Variants in MTARC2 observed in about 807,000 individuals in gnomAD.
MTARC2 encodes MOCO sulphurase C-terminal domain containing 2.
MTARC2 carries 27 observed loss-of-function variants against 35.6 expected under a neutral mutation model. The ratio of observed to expected loss-of-function variants is 0.76; its 90% CI spans 0.56 to 1.04. The LOEUF (loss-of-function observed/expected upper bound fraction) is 1.04, where lower values mean the gene tolerates loss of function less well. MTARC2 is among the 50% of genes least tolerant of loss of function. MTARC2 has a pLI of 0.00. For synonymous variants in MTARC2, 158 were observed against 167.1 expected (o/e 0.95, Z 0.42); for missense variants, 412 against 432.5 (o/e 0.95, Z 0.42).
intron 1 of MTARC2, among the ~76,000 whole-genome samples, chr1:220,750,233 A>C (rs1468637637): frequency 6.6e-6 from 1 of 152,220 alleles, no homozygotes; most frequent in Non-Finnish European, 1.5e-5. Context: ...AAGCCTTCCT[A>C]TTACTGGAAA....
In MTARC2 at chr1:220,767,008, G is replaced by A. The variant is rs374848892; in HGVS notation, c.750+3958G>A. ...AAAAAAAAATTAATTAATTAAAAGT[G>A]AAAAAAAATAAACTGTTAAATGAAT... is the stretch of plus-strand genomic sequence containing the variant. On this transcript the variant is annotated intron_variant, in intron 4 of 7. Transcript: ENST00000366913. Among the ~76,000 whole-genome samples, 6 of 150,984 alleles carry A rather than the reference G, an allele frequency of 4.0e-5. No homozygotes were observed. In the South Asian group the frequency reaches 1.3e-3, roughly 32 times the overall value.
chr1:220,751,856 A>G (rs1278915500), intron 1 of MTARC2, among the ~76,000 whole-genome samples: 2 of 152,212 alleles, frequency 1.3e-5, no homozygotes, highest in Non-Finnish European at 2.9e-5. Flanking sequence ...CTCCAGACTT[A>G]TCTCTTCTTT....
At chr1:220,761,074 T>G (rs2102550925) in intron 2 of MTARC2, among the ~76,000 whole-genome samples, 1 of 152,324 alleles carries the variant, frequency 6.6e-6, no homozygotes, top group East Asian at 1.9e-4. Flanking sequence ...TAAAACTCCA[T>G]TAGGGGAATT....
chr1:220,763,688 C>T (rs998092609), intron 4 of MTARC2, among the ~76,000 whole-genome samples: 1 of 152,174 alleles, frequency 6.6e-6, no homozygotes, highest in African/African-American at 2.4e-5. Context: ...GATTAGCCAT[C>T]ATATTAAGCC....
At chr1:220,773,792 CTT>C (rs1371026845) in intron 4 of MTARC2, among the ~76,000 whole-genome samples, 2 of 151,508 alleles carry the variant, frequency 1.3e-5, no homozygotes, top group East Asian at 3.9e-4. Flanking sequence ...GATTATACCT[CTT>C]ATAAAAAATA....
At chr1:220,774,447 A>G (rs76289051) in intron 4 of MTARC2, among the ~76,000 whole-genome samples, 3,628 of 152,332 alleles carry the variant, frequency 0.024, 110 homozygotes, top group African/African-American at 0.064. Context: ...TCTTATTTAC[A>G]TATTCCCTCG....
rs1269348793 is a variant in MTARC2 at position 220,781,846 on chromosome 1, C to T, written c.953C>T (p.Ser318Leu). ...TCTCCACTTTTTGGGATCTATTATT[C>T]AGTGGAAAAAATTGGAAGCCTGAGA... ...KLSPLFGIYY[S>L]VEKIGSLRVG... is the part of the protein sequence containing the mutation. The change falls in exon 7 of 8, where the codon TCA becomes TTA. Residue 318 changes from serine to leucine, a missense_variant. Coordinates refer to ENST00000366913, the MANE Select transcript of MTARC2 (RefSeq NM_017898.5). 47 of 1,613,986 alleles carry T rather than the reference C, an allele frequency of 2.9e-5. No individual in the cohort carries two copies. Among genetic ancestry groups the T allele is most frequent in the Non-Finnish European group, 3.9e-5 (46 of 1,179,990 alleles).
chr1:220,781,343 T>G (rs989960304), intron 6 of MTARC2, among the ~76,000 whole-genome samples: 3 of 152,220 alleles, frequency 2.0e-5, no homozygotes, highest in African/African-American at 7.2e-5. Flanking sequence ...TGAATTTTTG[T>G]TCACCAGTGA....
chr1:220,766,529 T>G (rs555843734), intron 4 of MTARC2, among the ~76,000 whole-genome samples: 2 of 152,224 alleles, frequency 1.3e-5, no homozygotes, highest in Non-Finnish European at 2.9e-5. Context: ...TCCACAGGAA[T>G]CCTGTAATTC....
At chr1:220,774,947 G>A (rs1671854556) in intron 4 of MTARC2, among the ~76,000 whole-genome samples, 1 of 150,064 alleles carries the variant, frequency 6.7e-6, no homozygotes, top group African/African-American at 2.5e-5. Flanking sequence ...ATAGACCCGT[G>A]TGTGTGCGTG....
At chr1:220,769,942 A>G (rs1328123996) in intron 4 of MTARC2, among the ~76,000 whole-genome samples, 1 of 147,508 alleles carries the variant, frequency 6.8e-6, no homozygotes, top group Non-Finnish European at 1.5e-5. Context: ...TACAAAAAAA[A>G]AAAAAAAAAA....
chr1:220,754,536 C>A (rs1383575769), intron 1 of MTARC2: 6 of 424,044 alleles, frequency 1.4e-5, no homozygotes, highest in Non-Finnish European at 2.4e-5. Context: ...TCATCTTGTT[C>A]TACAACAAAA....
In MTARC2 at chr1:220,753,584, C is replaced by T. The variant is rs142292319; in HGVS notation, c.273-1363C>T. 5.0e-3 allele frequency among the ~76,000 whole-genome samples: 758 copies of T among 152,260 alleles called. 6 individuals carry two copies. Among genetic ancestry groups the T allele is most frequent in the African/African-American group, 0.017 (722 of 41,572 alleles). ...GGTCTCCTCAGCCTTTCCCTGATGG[C>T]TCTGGTCATATTTTGGAATGTCTCC... On this transcript the variant is annotated intron_variant, in intron 1 of 7. Coordinates refer to ENST00000366913, the MANE Select transcript of MTARC2 (RefSeq NM_017898.5).
rs1671037128 is a variant in MTARC2, at chr1:220,748,446, C to A, written c.-86C>A. ...GGTCAACTTTGACTCCTCTCGCCTG[C>A]CCGGATCCTTAAGGGCCTCCTCGTC... is the stretch of plus-strand genomic sequence containing the variant. On this transcript the variant is annotated 5_prime_UTR_variant, in exon 1 of 8. Transcript: ENST00000366913. 2 of 1,290,478 alleles carry A rather than the reference C, an allele frequency of 1.5e-6. No individual in the cohort carries two copies. Among genetic ancestry groups the A allele is most frequent in the Non-Finnish European group, 2.0e-6 (2 of 1,015,210 alleles). The allele number at this position is 1,290,478 out of a possible 1,614,324, so 79.9% of individuals were successfully genotyped here. A position where few individuals can be genotyped will look rare whatever the true frequency, so the allele number is the denominator to read the frequency against.
At chr1:220,769,302 TGAG>T (rs1456110340) in intron 4 of MTARC2, among the ~76,000 whole-genome samples, 1 of 152,142 alleles carries the variant, frequency 6.6e-6, no homozygotes, top group Non-Finnish European at 1.5e-5. Flanking sequence ...CTACACCCAG[TGAG>T]TAAGCGAGAC....
In MTARC2 at chr1:220,756,088, C is replaced by G. The variant is rs1671271034; in HGVS notation, c.446+968C>G. On this transcript the variant is annotated intron_variant, in intron 2 of 7. Transcript: ENST00000366913. Reference sequence around the variant, plus strand: ...ATTCCTTGGGTGTAAGGGATTTCCACTTCTGGCCAAAGACACACCTCAGGC... The same window carrying G: ...ATTCCTTGGGTGTAAGGGATTTCCAGTTCTGGCCAAAGACACACCTCAGGC... Among the ~76,000 whole-genome samples the G allele has an allele frequency of 2.0e-5, 3 of 152,192 alleles. No individual in the cohort carries two copies. The South Asian group carries it at 6.2e-4, about 31-fold the overall frequency.
At position 220,763,051 on chromosome 1, in the gene MTARC2, G is replaced by T. The variant is rs1671482819; in HGVS notation, c.750+1G>T. 1 of 1,614,116 alleles carries T rather than the reference G, an allele frequency of 6.2e-7. No individual in the cohort carries two copies. The highest frequency in any genetic ancestry group is 8.5e-7 in the Non-Finnish European group (1 of 1,180,012). ...GACCGGCTGTGATGCTTTTGAGGAG[G>T]TAAGCGACCCACTGCTTTTGTGCAT... On this transcript the variant is annotated splice_donor_variant, in intron 4 of 7. Transcript: ENST00000366913. LOFTEE classifies it high-confidence loss of function.
At chr1:220,781,208 G>C (rs12023202) in intron 6 of MTARC2, among the ~76,000 whole-genome samples, 1 of 152,102 alleles carries the variant, frequency 6.6e-6, no homozygotes, top group Non-Finnish European at 1.5e-5. Context: ...TTTTGTTTTT[G>C]ATTTTTAAGA....
chr1:220,753,586 C>G (rs1257393125), intron 1 of MTARC2, among the ~76,000 whole-genome samples: 1 of 152,150 alleles, frequency 6.6e-6, no homozygotes, highest in Non-Finnish European at 1.5e-5. Flanking sequence ...CCTGATGGCT[C>G]TGGTCATATT....
Sources: allele counts gnomAD v4.1 joint callset (sites outside exome capture counted in the v4.1 genomes callset), GRCh38; gene constraint gnomAD v4.1.1; transcripts MANE v1.5; gene names NCBI Gene and HGNC (gene_info 2026-07-23, HGNC 2026-07-21).